The following MPP7 variants were observed in gnomAD, a reference collection of about 807,000 sequenced individuals.
MPP7 encodes MAGUK p55 scaffold protein 7.
A neutral mutation model predicts 76.5 loss-of-function variants in MPP7; 60 were observed. The observed-to-expected ratio is 0.78, with a 90% confidence interval of 0.64 to 0.97. The LOEUF is 0.97. MPP7 is among the 50% of genes least tolerant of loss of function. MPP7 has a pLI of 0.00. For missense variants in MPP7, 641 were observed against 694.0 expected, an observed-to-expected ratio of 0.92 and a Z score of 0.86; for synonymous variants, 237 against 244.5, an observed-to-expected ratio of 0.97 and a Z score of 0.29.
chr10:28,143,387 C>A (rs1404990714), intron 5 of MPP7, among the ~76,000 whole-genome samples: 1 of 152,138 alleles, frequency 6.6e-6, no homozygotes, highest in African/African-American at 2.4e-5. Flanking sequence ...AAGAATATTT[C>A]TGTTTCCTTT....
At chr10:28,227,671 C>T (rs574540078) in intron 2 of MPP7, among the ~76,000 whole-genome samples, 1 of 152,262 alleles carries the variant, frequency 6.6e-6, no homozygotes, top group African/African-American at 2.4e-5. Context: ...TATGGTTGCA[C>T]AGTATTCCAT....
chr10:28,259,930 C>T (rs945572146), intron 1 of MPP7, among the ~76,000 whole-genome samples: 3 of 152,010 alleles, frequency 2.0e-5, no homozygotes, highest in African/African-American at 7.2e-5. Context: ...CTGCAGTGAG[C>T]CATGATTGTG....
chr10:28,250,570 G>A (rs575605828), intron 1 of MPP7, among the ~76,000 whole-genome samples: 3 of 152,210 alleles, frequency 2.0e-5, no homozygotes, highest in South Asian at 2.1e-4. Context: ...AGATCCTTAC[G>A]TGATCACTTG....
chr10:28,318,339 T>C (rs1834339892), intron 2 of MPP7, among the ~76,000 whole-genome samples: 1 of 152,124 alleles, frequency 6.6e-6, no homozygotes, highest in Non-Finnish European at 1.5e-5. Flanking sequence ...TGAGGCTTGG[T>C]TCTTCTTCCT....
chr10:28,160,593 C>T (rs2133820965), intron 3 of MPP7, among the ~76,000 whole-genome samples: 2 of 152,300 alleles, frequency 1.3e-5, no homozygotes, highest in East Asian at 3.9e-4. Flanking sequence ...CCCCAGGGGT[C>T]CACAAGCCAC....
At chr10:28,327,045 A>G (rs1232961444) in intron 2 of MPP7, among the ~76,000 whole-genome samples, 1 of 152,188 alleles carries the variant, frequency 6.6e-6, no homozygotes, top group African/African-American at 2.4e-5. Flanking sequence ...CCAGGTCACC[A>G]GCATTTACTT....
intron 11 of MPP7, among the ~76,000 whole-genome samples, chr10:28,113,348 GA>G (rs1298453992): frequency 2.0e-5 from 3 of 152,048 alleles, no homozygotes; most frequent in African/African-American, 7.2e-5. Context: ...TCCTCTCTGG[GA>G]TCTGTGAGTA....
At chr10:28,137,892 G>A (rs979545294) in intron 5 of MPP7, among the ~76,000 whole-genome samples, 1 of 152,128 alleles carries the variant, frequency 6.6e-6, no homozygotes, top group African/African-American at 2.4e-5. Flanking sequence ...GGAACCCCTG[G>A]AGTCAACTTT....
At chr10:28,057,918 A>G in intron 15 of MPP7, 1 of 1,161,350 alleles carries the variant, frequency 8.6e-7, no homozygotes, top group Non-Finnish European at 1.1e-6. Context: ...AGGGAATTGA[A>G]TGGCCTCATC....
intron 9 of MPP7, 36 bp downstream of exon 9, chr10:28,120,558 C>T: frequency 1.3e-6 from 2 of 1,586,134 alleles, no homozygotes; most frequent in African/African-American, 2.7e-5. Flanking sequence ...TGACTTCCCT[C>T]CCACGCACGA....
intron 1 of MPP7, among the ~76,000 whole-genome samples, chr10:28,257,312 T>A (rs187077137): frequency 6.6e-6 from 1 of 152,128 alleles, no homozygotes; most frequent in African/African-American, 2.4e-5. Context: ...TTCCTTATAT[T>A]CTTTAATTAT....
At chr10:28,227,223 T>C (rs963972070) in intron 2 of MPP7, among the ~76,000 whole-genome samples, 2 of 152,290 alleles carry the variant, frequency 1.3e-5, no homozygotes, top group South Asian at 4.1e-4. Context: ...AAAAGAAGGT[T>C]TTCCCAAATG....
intron 2 of MPP7, among the ~76,000 whole-genome samples, chr10:28,215,696 C>T (rs1286993836): frequency 6.6e-6 from 1 of 152,108 alleles, no homozygotes; most frequent in Non-Finnish European, 1.5e-5. Flanking sequence ...AGCTCTGCAA[C>T]TGGGCATATT....
chr10:28,274,392 C>A (rs890329625), intron 1 of MPP7, among the ~76,000 whole-genome samples: 1 of 152,018 alleles, frequency 6.6e-6, no homozygotes, highest in African/African-American at 2.4e-5. Flanking sequence ...AGCCACCGCG[C>A]CCGGCCAAAA....
intron 2 of MPP7, among the ~76,000 whole-genome samples, chr10:28,228,160 A>G (rs1164496280): frequency 6.6e-6 from 1 of 152,228 alleles, no homozygotes; most frequent in Non-Finnish European, 1.5e-5. Context: ...TTGCTTTTCC[A>G]CAAGGAAATA....
chr10:28,130,468 T>C (rs572230811), intron 6 of MPP7, among the ~76,000 whole-genome samples: 51 of 152,228 alleles, frequency 3.4e-4, no homozygotes, highest in Non-Finnish European at 7.1e-4. Flanking sequence ...ACTGGTAACC[T>C]ATCCCTTGGT....
intron 2 of MPP7, among the ~76,000 whole-genome samples, chr10:28,318,621 G>A (rs1328954064): frequency 6.6e-6 from 1 of 152,154 alleles, no homozygotes; most frequent in East Asian, 1.9e-4. Flanking sequence ...GGAGGTGGAG[G>A]TTGCAGTGAG....
intron 11 of MPP7, among the ~76,000 whole-genome samples, chr10:28,099,897 T>C (rs1221541679): frequency 6.6e-6 from 1 of 152,102 alleles, no homozygotes; most frequent in African/African-American, 2.4e-5. Context: ...CTGCTTCATT[T>C]TTTCAACGGA....
At chr10:28,124,907 G>T in intron 7 of MPP7, 103 bp downstream of exon 7, 2 of 889,506 alleles carry the variant, frequency 2.2e-6, no homozygotes, top group Non-Finnish European at 3.8e-6. Context: ...TACTTGTTCT[G>T]CTGTATTAGA....
Sources: allele counts gnomAD v4.1 joint callset (sites outside exome capture counted in the v4.1 genomes callset), GRCh38; gene constraint gnomAD v4.1.1; transcripts MANE v1.5; gene names NCBI Gene and HGNC (gene_info 2026-07-23, HGNC 2026-07-21).